SLIT3: variants seen among roughly 807,000 people sequenced by gnomAD.
The protein encoded by SLIT3 is slit homolog 3 protein.
In SLIT3, 68 loss-of-function variants were observed where a neutral mutation model predicts 184.0. The observed-to-expected ratio is 0.37, with a 90% CI of 0.30 to 0.45. The LOEUF is 0.45. Among genes scored for constraint, SLIT3 ranks in the 20% least tolerant of loss-of-function variants. SLIT3 has a pLI of 1.00. For synonymous variants in SLIT3, 831 were observed against 828.6 expected, an observed-to-expected ratio of 1.00 and a Z score of -0.05; for missense variants, 1,707 against 2,026.0, an observed-to-expected ratio of 0.84 and a Z score of 3.02.
chr5:168,835,006 C>T (rs144226992), intron 6 of SLIT3, among the ~76,000 whole-genome samples: 1 of 152,260 alleles, frequency 6.6e-6, no homozygotes, highest in African/African-American at 2.4e-5. Context: ...TTTAAAAATT[C>T]AGTTTCTCAG....
chr5:169,279,291 G>C (rs542230626), intron 1 of SLIT3, among the ~76,000 whole-genome samples: 2 of 152,312 alleles, frequency 1.3e-5, no homozygotes, highest in Admixed American at 1.3e-4. Context: ...GACCCCTGCA[G>C]GTGTGTGTAG....
intron 4 of SLIT3, among the ~76,000 whole-genome samples, chr5:169,018,148 C>T (rs554578110): frequency 1.5e-4 from 23 of 152,310 alleles, no homozygotes; most frequent in African/African-American, 5.3e-4. Flanking sequence ...AGTTCTCAGG[C>T]CCCACCCCAG....
rs531476182 is a variant in SLIT3, at chr5:169,110,926, G to A, written c.413+82553C>T. ...AGTGCACATCCAGTGGGTGAAGACC[G>A]AGCTCTGTAACATGGGCTGTGGTGC... is the stretch of plus-strand genomic sequence containing the variant. On this transcript the variant is annotated intron_variant, in intron 4 of 35. Transcript: ENST00000519560. 6.6e-4 allele frequency among the ~76,000 whole-genome samples: 100 copies of A among 152,276 alleles called. 1 individual carries two copies. Among genetic ancestry groups the A allele is most frequent in the African/African-American group, 2.1e-3 (86 of 41,540 alleles).
intron 4 of SLIT3, among the ~76,000 whole-genome samples, chr5:168,983,475 T>C (rs1427088271): frequency 1.3e-5 from 2 of 152,208 alleles, no homozygotes; most frequent in African/African-American, 4.8e-5. Context: ...GACTTTGATG[T>C]CTGGTTTCTC....
At chr5:168,989,667 G>A (rs918360971) in intron 4 of SLIT3, among the ~76,000 whole-genome samples, 1 of 152,188 alleles carries the variant, frequency 6.6e-6, no homozygotes. Flanking sequence ...GCAAAGCAGG[G>A]CAAAGACCCA....
intron 4 of SLIT3, among the ~76,000 whole-genome samples, chr5:168,967,437 C>CTTTTT (rs540309809): frequency 0.061 from 1,992 of 32,708 alleles, 805 homozygotes; most frequent in African/African-American, 0.19. Flanking sequence ...CATCTCAAAT[C>CTTTTT]TTTTTTTTTT....
chr5:169,152,938 G>A (rs544038289), intron 4 of SLIT3, among the ~76,000 whole-genome samples: 2 of 152,240 alleles, frequency 1.3e-5, no homozygotes, highest in African/African-American at 4.8e-5. Flanking sequence ...GCCTGGTTTC[G>A]CTGTGAGTCA....
At chr5:168,915,649 C>G (rs1562004423) in intron 4 of SLIT3, among the ~76,000 whole-genome samples, 2 of 148,770 alleles carry the variant, frequency 1.3e-5, no homozygotes, top group East Asian at 3.9e-4. Flanking sequence ...ATTATGCATT[C>G]TTTTTTTTTT....
intron 4 of SLIT3, among the ~76,000 whole-genome samples, chr5:169,044,730 G>A (rs1757568369): frequency 6.6e-6 from 1 of 151,996 alleles, no homozygotes; most frequent in South Asian, 2.1e-4. Flanking sequence ...TTAAGATGGT[G>A]AATCTTATGT....
At chr5:168,802,425 T>G (rs1453561030) in intron 9 of SLIT3, among the ~76,000 whole-genome samples, 1 of 152,176 alleles carries the variant, frequency 6.6e-6, no homozygotes, top group African/African-American at 2.4e-5. Context: ...TTGCCGCCTC[T>G]GCTTTAATTT....
intron 4 of SLIT3, among the ~76,000 whole-genome samples, chr5:169,027,869 T>C (rs1756886224): frequency 6.6e-6 from 1 of 152,206 alleles, no homozygotes; most frequent in Non-Finnish European, 1.5e-5. Flanking sequence ...GGTGCATTTA[T>C]GAAAAGCCAT....
At chr5:169,210,291 C>G (rs1258049223) in intron 3 of SLIT3, among the ~76,000 whole-genome samples, 1 of 152,048 alleles carries the variant, frequency 6.6e-6, no homozygotes, top group Non-Finnish European at 1.5e-5. Context: ...TCCAATCTCT[C>G]AAGATTTCAG....
At chr5:169,179,281 T>TC (rs1554104715) in intron 4 of SLIT3, among the ~76,000 whole-genome samples, 67 of 133,376 alleles carry the variant, frequency 5.0e-4, no homozygotes, top group Admixed American at 1.2e-3. Context: ...TTTTTCTTTT[T>TC]TTTTTTTTTT....
chr5:168,910,876 C>A (rs538533744), intron 4 of SLIT3, among the ~76,000 whole-genome samples: 1 of 152,190 alleles, frequency 6.6e-6, no homozygotes, highest in Admixed American at 6.5e-5. Flanking sequence ...ACAGTTTATG[C>A]TTTGTGTCCT....
intron 5 of SLIT3, among the ~76,000 whole-genome samples, chr5:168,877,282 G>A (rs780823542): frequency 6.6e-6 from 1 of 152,198 alleles, no homozygotes; most frequent in Non-Finnish European, 1.5e-5. Context: ...GGGATGTGAA[G>A]GATCAGAAGG....
At chr5:168,945,410 G>A (rs1762443190) in intron 4 of SLIT3, among the ~76,000 whole-genome samples, 1 of 151,996 alleles carries the variant, frequency 6.6e-6, no homozygotes, top group Admixed American at 6.5e-5. Context: ...GCTAATTTTT[G>A]TATTTTTAGT....
chr5:168,801,764 G>A (rs1289777138), intron 9 of SLIT3, among the ~76,000 whole-genome samples: 1 of 152,200 alleles, frequency 6.6e-6, no homozygotes, highest in Non-Finnish European at 1.5e-5. Flanking sequence ...CGGTGCCATC[G>A]GTGGGAGCTC....
chr5:169,078,599 T>C (rs1219265255), intron 4 of SLIT3, among the ~76,000 whole-genome samples: 1 of 152,172 alleles, frequency 6.6e-6, no homozygotes, highest in Non-Finnish European at 1.5e-5. Flanking sequence ...CTCCCTCCTA[T>C]CACCTTCCTT....
chr5:168,830,108 C>T lies in SLIT3; in HGVS notation c.558-6777G>A, dbSNP rs987234727. Reference sequence around the variant, plus strand: ...ACGACACTCAGGTCCTAAGAGTGATCGTTATTGGCTGACTCAGCTCTATTA... The same window carrying T: ...ACGACACTCAGGTCCTAAGAGTGATTGTTATTGGCTGACTCAGCTCTATTA... On this transcript the variant is annotated intron_variant, in intron 6 of 35. Coordinates refer to ENST00000519560, the MANE Select transcript of SLIT3 (RefSeq NM_003062.4). 3.3e-5 allele frequency among the ~76,000 whole-genome samples: 5 copies of T among 152,080 alleles called. No individual in the cohort carries two copies. The East Asian group carries it at 5.8e-4, about 18-fold the overall frequency.
Sources: gnomAD v4.1 joint callset for allele counts (sites outside exome capture counted in the v4.1 genomes callset) on GRCh38, gnomAD v4.1.1 for gene constraint, MANE v1.5 for transcripts, NCBI Gene and HGNC (gene_info 2026-07-23, HGNC 2026-07-21) for gene names.